NOS1AP: variants seen among roughly 807,000 people sequenced by gnomAD.
The protein encoded by NOS1AP is nitric oxide synthase 1 adaptor protein.
In NOS1AP, 21 loss-of-function variants were observed where a neutral mutation model predicts 56.2. The ratio of observed to expected loss-of-function variants is 0.37; its 90% CI spans 0.26 to 0.54. NOS1AP has a LOEUF of 0.54. NOS1AP is among the 20% of genes least tolerant of loss of function. NOS1AP has a pLI of 0.84. For missense variants in NOS1AP, 522 were observed against 657.8 expected, an observed-to-expected ratio of 0.79 and a Z score of 2.26; for synonymous variants, 270 against 274.6, an observed-to-expected ratio of 0.98 and a Z score of 0.17.
At chr1:162,219,160 A>C (rs1652681402) in intron 2 of NOS1AP, among the ~76,000 whole-genome samples, 1 of 151,938 alleles carries the variant, frequency 6.6e-6, no homozygotes, top group Admixed American at 6.6e-5. Flanking sequence ...TTCCAGCCCT[A>C]CCTCTTTGCT....
At chr1:162,110,471 G>T (rs895196639) in intron 1 of NOS1AP, among the ~76,000 whole-genome samples, 20 of 152,102 alleles carry the variant, frequency 1.3e-4, no homozygotes, top group Admixed American at 1.3e-3. Context: ...TTACCTTACC[G>T]GCTGTTATCA....
At chr1:162,279,130 A>G (rs10753784) in intron 2 of NOS1AP, among the ~76,000 whole-genome samples, 83,663 of 152,090 alleles carry the variant, frequency 0.55, 24,807 homozygotes, top group East Asian at 0.96. Flanking sequence ...AGATATAGAG[A>G]AGAAAGCAGC....
intron 4 of NOS1AP, among the ~76,000 whole-genome samples, chr1:162,315,730 T>G (rs907609489): frequency 6.6e-6 from 1 of 152,236 alleles, no homozygotes; most frequent in Non-Finnish European, 1.5e-5. Context: ...TGAGGAGTCC[T>G]CTGTATTTGG....
chr1:162,351,442 A>G (rs949371069), intron 6 of NOS1AP, among the ~76,000 whole-genome samples: 1 of 152,058 alleles, frequency 6.6e-6, no homozygotes, highest in East Asian at 1.9e-4. Flanking sequence ...CCGATTACAC[A>G]TTTGTGATCC....
intron 1 of NOS1AP, among the ~76,000 whole-genome samples, chr1:162,089,564 A>G (rs1176074955): frequency 6.6e-6 from 1 of 152,234 alleles, no homozygotes; most frequent in Non-Finnish European, 1.5e-5. Flanking sequence ...GTTACTTTAC[A>G]TGACAAAGAC....
intron 2 of NOS1AP, among the ~76,000 whole-genome samples, chr1:162,189,725 T>G (rs1462989431): frequency 6.6e-6 from 1 of 152,166 alleles, no homozygotes; most frequent in Non-Finnish European, 1.5e-5. Flanking sequence ...AAGAGAAAAT[T>G]ATTTTTATCT....
intron 1 of NOS1AP, among the ~76,000 whole-genome samples, chr1:162,086,263 G>C (rs1018910759): frequency 6.6e-6 from 1 of 152,044 alleles, no homozygotes; most frequent in Non-Finnish European, 1.5e-5. Context: ...GTGGTGGAGG[G>C]GGCAATAATA....
At chr1:162,233,154 G>C (rs182820869) in intron 2 of NOS1AP, among the ~76,000 whole-genome samples, 1 of 152,182 alleles carries the variant, frequency 6.6e-6, no homozygotes. Context: ...CCAAGCACTG[G>C]CATTTCTAAG....
chr1:162,208,205 A>G (rs1305134362), intron 2 of NOS1AP, among the ~76,000 whole-genome samples: 5 of 152,190 alleles, frequency 3.3e-5, no homozygotes, highest in African/African-American at 1.2e-4. Flanking sequence ...CCTGCCCTCC[A>G]AGACCAAGCT....
intron 2 of NOS1AP, among the ~76,000 whole-genome samples, chr1:162,169,117 A>C (rs529028451): frequency 6.6e-5 from 10 of 152,346 alleles, no homozygotes; most frequent in Non-Finnish European, 1.5e-5. Context: ...TTTCCAGATG[A>C]GCGCCCTCCG....
In NOS1AP at chr1:162,367,372, C is replaced by T. The variant is rs1289554901; in HGVS notation, c.1426C>T (p.Arg476Cys). 6.2e-7 allele frequency: 1 copy of T among 1,610,182 alleles called. No individual in the cohort carries two copies. The highest frequency in any genetic ancestry group is 1.1e-5 in the South Asian group (1 of 90,672). ...GTCCAACACGGACGAGAGCGAGGAGCGCGACTCGTGGTCCCAGGAGGAGCT... is the reference window on the plus strand; with the variant it reads ...GTCCAACACGGACGAGAGCGAGGAGTGCGACTCGTGGTCCCAGGAGGAGCT... ...YESNTDESEE[R>C]DSWSQEELPR... Residue 476 changes from arginine to cysteine, a missense_variant, in exon 10 of 10, where the codon CGC becomes TGC. Arg to Cys is a radical substitution (Grantham distance 180). Coordinates refer to ENST00000361897, the MANE Select transcript of NOS1AP (RefSeq NM_014697.3). This position sits in a 1 kb window ranked among gnomAD's most constrained non-coding sequence, Gnocchi z 6.5.
intron 2 of NOS1AP, among the ~76,000 whole-genome samples, chr1:162,212,938 A>G (rs1652421581): frequency 6.6e-6 from 1 of 152,156 alleles, no homozygotes; most frequent in Non-Finnish European, 1.5e-5. Flanking sequence ...GTTCCTCGAA[A>G]GCCTGTCACA....
intron 2 of NOS1AP, among the ~76,000 whole-genome samples, chr1:162,155,408 A>G (rs1571072790): frequency 6.7e-6 from 1 of 149,076 alleles, no homozygotes; most frequent in South Asian, 2.1e-4. Context: ...GCTCATATAT[A>G]TATATATAGA....
chr1:162,206,605 G>C (rs1217346694), intron 2 of NOS1AP, among the ~76,000 whole-genome samples: 4 of 152,218 alleles, frequency 2.6e-5, no homozygotes, highest in African/African-American at 9.6e-5. Context: ...AAGATAAGGG[G>C]ATTGTGAGTT....
At chr1:162,214,777 G>A (rs1199538446) in intron 2 of NOS1AP, among the ~76,000 whole-genome samples, 1 of 152,136 alleles carries the variant, frequency 6.6e-6, no homozygotes, top group Admixed American at 6.5e-5. Context: ...TCTGGAAATA[G>A]CTACTATTTT....
rs73026928 is a variant in NOS1AP, at chr1:162,145,700, A to G, written c.106-8705A>G. 6.1e-3 allele frequency among the ~76,000 whole-genome samples: 926 copies of G among 152,298 alleles called. 11 individuals carry two copies. Among genetic ancestry groups the G allele is most frequent in the African/African-American group, 0.021 (892 of 41,572 alleles). The stretch of plus-strand genomic sequence containing the variant: ...CTTTGGTTCTCTGTTTCTGGAAGCT[A>G]TCAGTACAGAGGATAGGTTCAGGGA... On this transcript the variant is annotated intron_variant, in intron 1 of 9. Transcript: ENST00000361897.
chr1:162,274,961 G>C (rs951965645), intron 2 of NOS1AP, among the ~76,000 whole-genome samples: 1 of 152,080 alleles, frequency 6.6e-6, no homozygotes, highest in Admixed American at 6.5e-5. Flanking sequence ...ATGTATTCTG[G>C]ATACAAATCT....
At chr1:162,179,092 G>A (rs2102143167) in intron 2 of NOS1AP, among the ~76,000 whole-genome samples, 1 of 152,020 alleles carries the variant, frequency 6.6e-6, no homozygotes, top group Non-Finnish European at 1.5e-5. Flanking sequence ...GGACCTGTGT[G>A]GCATCTCTCC....
intron 2 of NOS1AP, among the ~76,000 whole-genome samples, chr1:162,190,373 T>A (rs1325221056): frequency 1.3e-5 from 2 of 151,840 alleles, no homozygotes; most frequent in African/African-American, 2.4e-5. Flanking sequence ...TATTTTATTT[T>A]ATTATTATTA....
Sources: allele counts gnomAD v4.1 joint callset (sites outside exome capture counted in the v4.1 genomes callset), GRCh38; gene constraint gnomAD v4.1.1; non-coding constraint Gnocchi (gnomAD v3.1); transcripts MANE v1.5; gene names NCBI Gene and HGNC (gene_info 2026-07-23, HGNC 2026-07-21).